The following PDE2A variants were observed in gnomAD, a reference collection of about 807,000 sequenced individuals.
The protein encoded by PDE2A is cGMP-dependent 3',5'-cyclic phosphodiesterase.
Under a neutral mutation model 133.6 loss-of-function variants are expected in PDE2A, and 53 were observed. The observed-to-expected ratio is 0.40, with a 90% CI of 0.32 to 0.50. PDE2A has a LOEUF of 0.50. Ranked by LOEUF, PDE2A falls within the 20% of genes least tolerant of loss-of-function variation. The pLI is 0.73. For synonymous variants in PDE2A, 491 were observed against 490.2 expected, an observed-to-expected ratio of 1.00 and a Z score of -0.02; for missense variants, 796 against 1,232.4, an observed-to-expected ratio of 0.65 and a Z score of 5.30.
Position 72,579,681 on chromosome 11 carries a change from G to T in PDE2A, c.2182-73C>A, listed in dbSNP as rs745947306. 175 of 1,061,106 alleles carry T rather than the reference G, an allele frequency of 1.6e-4. 1 individual carries two copies. The highest frequency in any genetic ancestry group is 1.1e-4 in the Non-Finnish European group (80 of 703,540). 65.7% of individuals were successfully genotyped at this position (1,061,106 alleles called of 1,614,324 possible). A position where few individuals can be genotyped will look rare whatever the true frequency, so the allele number is the denominator to read the frequency against. ...CTTACCATTGACCCCAAGAGAGGAAGCAGGGGCCTCGTCCAGCTCCAGCCC... is the reference window on the plus strand; with the variant it reads ...CTTACCATTGACCCCAAGAGAGGAATCAGGGGCCTCGTCCAGCTCCAGCCC... On this transcript the variant is annotated intron_variant, in intron 25 of 30. Transcript: ENST00000334456.
chr11:72,610,072 T>C (rs1378768710), intron 2 of PDE2A, among the ~76,000 whole-genome samples: 1 of 152,034 alleles, frequency 6.6e-6, no homozygotes, highest in Admixed American at 6.6e-5. Context: ...AGGCGACCTA[T>C]GAAACGAGGG....
At chr11:72,592,221 G>C (rs1231528801) in intron 6 of PDE2A, among the ~76,000 whole-genome samples, 1 of 152,172 alleles carries the variant, frequency 6.6e-6, no homozygotes. Flanking sequence ...TACAGGCCCT[G>C]CCAGCAAGGC....
chr11:72,655,810 C>T (rs1854882908), intron 1 of PDE2A, among the ~76,000 whole-genome samples: 2 of 152,204 alleles, frequency 1.3e-5, no homozygotes, highest in African/African-American at 4.8e-5. Flanking sequence ...TGCATGTGCA[C>T]GTGCCCTAGG....
Position 72,661,024 on chromosome 11 carries a change from G to T in PDE2A, c.71+13113C>A, listed in dbSNP as rs141399001. On this transcript the variant is annotated intron_variant, in intron 1 of 30. Transcript: ENST00000334456. Reference sequence around the variant, plus strand: ...TCTGTGGGTTTCAATGTCTTCTGAGGTCAGGTGCAGTGGCTCACACCTGTA... The same window carrying T: ...TCTGTGGGTTTCAATGTCTTCTGAGTTCAGGTGCAGTGGCTCACACCTGTA... Among the ~76,000 whole-genome samples, 489 of 152,248 alleles carry T rather than the reference G, an allele frequency of 3.2e-3. 2 individuals are homozygous for T. The highest frequency in any genetic ancestry group is 0.011 in the African/African-American group (460 of 41,556).
chr11:72,652,779 A>G (rs1854777584), intron 1 of PDE2A: 1 of 452,458 alleles, frequency 2.2e-6, no homozygotes, highest in Non-Finnish European at 4.5e-6. Context: ...CCAGCTCCCA[A>G]GCTTGTGCCT....
chr11:72,623,120 T>C (rs1857862996), intron 2 of PDE2A, among the ~76,000 whole-genome samples: 1 of 152,172 alleles, frequency 6.6e-6, no homozygotes, highest in Non-Finnish European at 1.5e-5. Flanking sequence ...GGCTAACGTC[T>C]TCACCTCCCT....
In PDE2A at chr11:72,674,255, C is replaced by T. The variant is rs371172372; in HGVS notation, c.-48G>A. On this transcript the variant is annotated 5_prime_UTR_variant, in exon 1 of 31. Coordinates refer to ENST00000334456, the MANE Select transcript of PDE2A (RefSeq NM_002599.5). Reference sequence around the variant, plus strand: ...CAGCCAGACTAAGGTGGCACCTCGCCCTGTCCCCGCTGCCTGGAGTTCAGG... The same window carrying T: ...CAGCCAGACTAAGGTGGCACCTCGCTCTGTCCCCGCTGCCTGGAGTTCAGG... The T allele has an allele frequency of 9.1e-5, 143 of 1,570,350 alleles. 1 individual carries two copies. The highest frequency in any genetic ancestry group is 3.4e-4 in the Middle Eastern group (2 of 5,914).
chr11:72,600,845 T>A (rs1856711816), intron 4 of PDE2A, among the ~76,000 whole-genome samples: 1 of 152,058 alleles, frequency 6.6e-6, no homozygotes, highest in Non-Finnish European at 1.5e-5. Flanking sequence ...TAAGGACAGA[T>A]GGGCACAGAG....
chr11:72,625,264 C>A (rs767103287), intron 2 of PDE2A, among the ~76,000 whole-genome samples: 14 of 152,242 alleles, frequency 9.2e-5, no homozygotes, highest in Non-Finnish European at 1.5e-4. Context: ...CCCCATGTGT[C>A]TGCACTGGTG....
At chr11:72,623,666 C>T (rs1170456076) in intron 2 of PDE2A, among the ~76,000 whole-genome samples, 1 of 152,130 alleles carries the variant, frequency 6.6e-6, no homozygotes, top group African/African-American at 2.4e-5. Context: ...CTTGCCTTTG[C>T]CCATCTCAGA....
In PDE2A at chr11:72,674,136, C is replaced by T. The variant is rs1267695468; in HGVS notation, c.71+1G>A. ...CCACCCCAGCCCCTCACTATACTCA[C>T]GGCTCAGCCGGTCGCGCTGCCGGGT... On this transcript the variant is annotated splice_donor_variant, in intron 1 of 30. Transcript: ENST00000334456. LOFTEE classifies it high-confidence loss of function. The T allele has an allele frequency of 2.5e-6, 4 of 1,613,130 alleles. No individual in the cohort carries two copies. Among genetic ancestry groups the T allele is most frequent in the South Asian group, 1.1e-5 (1 of 91,054 alleles).
In PDE2A at chr11:72,578,576, ACAGCCCGTT is replaced by A; in HGVS notation, c.2470-71_2470-63del. The A allele has an allele frequency of 7.2e-7, 1 of 1,390,952 alleles. No homozygotes were observed. The highest frequency in any genetic ancestry group is 1.2e-5 in the South Asian group (1 of 86,308). 86.2% of individuals were successfully genotyped at this position (1,390,952 alleles called of 1,614,324 possible). On this transcript the variant is annotated intron_variant, in intron 28 of 30. Coordinates refer to ENST00000334456, the MANE Select transcript of PDE2A (RefSeq NM_002599.5). The surrounding 1 kb of genome is among the most constrained non-coding windows in gnomAD (Gnocchi z 4.2). ...GGATACATCCACCCAAGCTCCTCTG[ACAGCCCGTT>A]CCCAGGAGAGAAAACTGAGGCCCAG...
At chr11:72,639,727 G>A (rs762040600) in intron 2 of PDE2A, among the ~76,000 whole-genome samples, 1 of 152,126 alleles carries the variant, frequency 6.6e-6, no homozygotes. Context: ...CTGCTCCGCC[G>A]GAAACCCAAA....
chr11:72,581,542 AT>A (rs1031175277), intron 22 of PDE2A, 63 bp from the exon 23 acceptor site: 2 of 1,518,764 alleles, frequency 1.3e-6, no homozygotes, highest in African/African-American at 2.7e-5. Context: ...CGGCCCCATG[AT>A]GGCAAACTAC....
At chr11:72,661,790 G>C (rs192099488) in intron 1 of PDE2A, among the ~76,000 whole-genome samples, 2 of 152,202 alleles carry the variant, frequency 1.3e-5, no homozygotes, top group African/African-American at 4.8e-5. Flanking sequence ...GCTTCCCTGC[G>C]ATGCGCCACA....
chr11:72,577,670 A>G, intron 30 of PDE2A, 76 bp from the exon 31 acceptor site: 6 of 1,058,872 alleles, frequency 5.7e-6, no homozygotes, highest in Non-Finnish European at 8.6e-6. Flanking sequence ...AGGGCTACAC[A>G]ACAAATAGAA....
intron 11 of PDE2A, 136 bp downstream of exon 11, chr11:72,589,615 T>G: frequency 1.3e-6 from 1 of 753,680 alleles, no homozygotes; most frequent in Non-Finnish European, 2.3e-6. Context: ...CATTTCTAAG[T>G]AGTCCCAAGA....
intron 2 of PDE2A, among the ~76,000 whole-genome samples, chr11:72,622,538 C>T (rs1857828818): frequency 6.6e-6 from 1 of 152,204 alleles, no homozygotes; most frequent in Admixed American, 6.5e-5. Flanking sequence ...CTGTCACATG[C>T]TACAACATGG....
intron 23 of PDE2A, 145 bp from the exon 24 acceptor site, chr11:72,581,118 G>A: frequency 1.4e-6 from 1 of 735,860 alleles, no homozygotes; most frequent in South Asian, 1.6e-5. Flanking sequence ...CTGGAAAGAA[G>A]CACTGGTTTG....
Sources: allele counts gnomAD v4.1 joint callset (sites outside exome capture counted in the v4.1 genomes callset), GRCh38; gene constraint gnomAD v4.1.1; non-coding constraint Gnocchi (gnomAD v3.1); transcripts MANE v1.5; gene names NCBI Gene and HGNC (gene_info 2026-07-23, HGNC 2026-07-21).